Variants in PCCB observed in about 807,000 individuals in gnomAD.
PCCB encodes the protein propionyl-CoA carboxylase subunit beta, also known as propionyl-CoA carboxylase beta chain, mitochondrial.
PCCB carries 43 observed loss-of-function variants against 60.7 expected under a neutral mutation model. The observed-to-expected ratio is 0.71, with a 90% CI of 0.55 to 0.91. The LOEUF (loss-of-function observed/expected upper bound fraction) is 0.91, where lower values mean the gene tolerates loss of function less well. PCCB is among the 40% of genes least tolerant of loss of function. PCCB has a pLI of 0.00. For missense variants in PCCB, 766 were observed against 702.8 expected (o/e 1.09, Z -1.02); for synonymous variants, 276 against 255.9 (o/e 1.08, Z -0.75).
chr3:136,286,635 CA>C (rs1210932168), intron 6 of PCCB, among the ~76,000 whole-genome samples: 4 of 152,150 alleles, frequency 2.6e-5, no homozygotes, highest in Non-Finnish European at 5.9e-5. Flanking sequence ...ACAATATAAT[CA>C]AATTGCTTCT....
Position 136,283,933 on chromosome 3 carries a change from A to G in PCCB, c.640A>G (p.Thr214Ala), listed in dbSNP as rs553736377. The change falls in exon 6 of 15, where the codon ACG becomes GCG. Residue 214 changes from threonine (T) to alanine (A), a missense_variant. Coordinates refer to ENST00000251654, the MANE Select transcript of PCCB (RefSeq NM_000532.5). ...CTACTCCCCAGCCCTAACAGACTTC[A>G]CGTTCATGGTAAAGGTAAGAAAGAA... is the stretch of plus-strand genomic sequence containing the variant. ...AVYSPALTDF[T>A]FMVKDTSYLF... The G allele has an allele frequency of 6.2e-7, 1 of 1,608,854 alleles. No homozygotes were observed. Among genetic ancestry groups the G allele is most frequent in the Non-Finnish European group, 8.5e-7 (1 of 1,175,372 alleles).
rs371610471 is a variant in PCCB at position 136,327,158 on chromosome 3, C to T, written c.1202C>T (p.Thr401Ile). Residue 401 changes from threonine to isoleucine, a missense_variant, in exon 12 of 15, where the codon ACA (threonine) becomes ATA (isoleucine). Coordinates refer to ENST00000251654, the MANE Select transcript of PCCB (RefSeq NM_000532.5). ...AGTAACTCTTCCTCATGTCTAGGCA[C>T]AGCACAGGAATACGGGGGCATCATC... ...FVDVPGFLPG[T>I]AQEYGGIIRH... 3.1e-6 allele frequency: 5 copies of T among 1,613,858 alleles called. No individual in the cohort carries two copies. In the African/African-American group the frequency reaches 6.7e-5, roughly 22 times the overall value.
At chr3:136,268,107 T>C (rs183872648) in intron 5 of PCCB, among the ~76,000 whole-genome samples, 1,709 of 121,460 alleles carry the variant, frequency 0.014, 43 homozygotes, top group African/African-American at 0.043. Context: ...TATATATATA[T>C]ATATATATAT....
chr3:136,253,340 C>T (rs990264050), intron 1 of PCCB, among the ~76,000 whole-genome samples: 4 of 151,712 alleles, frequency 2.6e-5, no homozygotes, highest in African/African-American at 4.8e-5. Flanking sequence ...CCGTCTGCCT[C>T]GGCCTCCCAA....
intron 6 of PCCB, among the ~76,000 whole-genome samples, chr3:136,288,943 T>C (rs1193757540): frequency 6.6e-6 from 1 of 152,110 alleles, no homozygotes; most frequent in African/African-American, 2.4e-5. Flanking sequence ...GCTGGGACTA[T>C]AGGTGTGTGC....
intron 9 of PCCB, among the ~76,000 whole-genome samples, chr3:136,314,663 CAAA>C (rs1001015691): frequency 6.6e-6 from 1 of 151,282 alleles, no homozygotes; most frequent in Non-Finnish European, 1.5e-5. Context: ...TCAAGAAAAA[CAAA>C]AACAAAAACA....
chr3:136,298,171 C>A, intron 8 of PCCB, 99 bp downstream of exon 8: 1 of 1,487,052 alleles, frequency 6.7e-7, no homozygotes, highest in Non-Finnish European at 9.3e-7. Context: ...GGGCAAGTTG[C>A]AGCAGAGTGT....
chr3:136,253,298 C>T (rs1941573325), intron 1 of PCCB, among the ~76,000 whole-genome samples: 1 of 151,144 alleles, frequency 6.6e-6, no homozygotes. Context: ...ACCATGTTAG[C>T]CAGGATGGTC....
intron 4 of PCCB, 100 bp downstream of exon 4, chr3:136,260,635 G>C (rs1941795812): frequency 3.0e-6 from 3 of 1,009,954 alleles, no homozygotes; most frequent in Admixed American, 3.9e-5. Context: ...GGTACTTGGG[G>C]TAGGGCAGAG....
intron 1 of PCCB, among the ~76,000 whole-genome samples, chr3:136,253,137 T>C (rs1490617730): frequency 7.4e-6 from 1 of 135,034 alleles, no homozygotes; most frequent in Non-Finnish European, 1.5e-5. Flanking sequence ...TCACCCAGGC[T>C]GGAGTGCAGT....
Position 136,312,163 on chromosome 3 carries a change from A to T in PCCB, c.967-4778A>T, listed in dbSNP as rs532552741. On this transcript the variant is annotated intron_variant, in intron 9 of 14. Transcript: ENST00000251654. ...ATTTTAGTACAGTCACGCGTTGCGT[A>T]ACAACAGGGATGTGTTCTGAGAAAT... 1.2e-3 allele frequency among the ~76,000 whole-genome samples: 190 copies of T among 152,378 alleles called. 1 individual carries two copies. The highest frequency in any genetic ancestry group is 0.01 in the Middle Eastern group (3 of 294).
At chr3:136,258,527 T>G (rs1559996654) in intron 3 of PCCB, among the ~76,000 whole-genome samples, 1 of 152,134 alleles carries the variant, frequency 6.6e-6, no homozygotes, top group South Asian at 2.1e-4. Context: ...GATGTTAATA[T>G]CTTAGGTGCT....
At position 136,286,073 on chromosome 3, in the gene PCCB, A is replaced by G. The variant is rs114270011; in HGVS notation, c.654+2126A>G. ...CCAGGTGCCAGGATATAAAACTACA[A>G]TAACTAAAACTGTCTGAAGAACTTG... On this transcript the variant is annotated intron_variant, in intron 6 of 14. Coordinates refer to ENST00000251654, the MANE Select transcript of PCCB (RefSeq NM_000532.5). Among the ~76,000 whole-genome samples the G allele has an allele frequency of 7.9e-3, 1,198 of 152,368 alleles. 22 individuals are homozygous for G. The highest frequency in any genetic ancestry group is 0.026 in the African/African-American group (1,089 of 41,586).
At chr3:136,271,485 T>C (rs1056633603) in intron 5 of PCCB, among the ~76,000 whole-genome samples, 1 of 152,206 alleles carries the variant, frequency 6.6e-6, no homozygotes, top group Non-Finnish European at 1.5e-5. Context: ...CTTACCTCCA[T>C]GAGCATGAGA....
At chr3:136,303,394 A>G (rs538977572) in intron 9 of PCCB, among the ~76,000 whole-genome samples, 1 of 122,194 alleles carries the variant, frequency 8.2e-6, no homozygotes, top group Non-Finnish European at 1.8e-5. Context: ...GGAGATGATC[A>G]TGTGATTTTC....
At chr3:136,328,615 A>G (rs1338217018) in intron 13 of PCCB, 143 bp from the exon 14 acceptor site, 26 of 700,270 alleles carry the variant, frequency 3.7e-5, no homozygotes, top group South Asian at 3.0e-4. Context: ...TCCTCCCTCT[A>G]TGCTATGGCC....
intron 1 of PCCB, 65 bp downstream of exon 1, chr3:136,250,623 G>T: frequency 6.7e-7 from 1 of 1,496,176 alleles, no homozygotes; most frequent in Non-Finnish European, 9.0e-7. Flanking sequence ...TGCGTGCCCG[G>T]CTTGCGGCGT....
At chr3:136,257,242 AGAG>A (rs1176062993) in intron 3 of PCCB, among the ~76,000 whole-genome samples, 1 of 152,192 alleles carries the variant, frequency 6.6e-6, no homozygotes, top group African/African-American at 2.4e-5. Context: ...GGGAGGTAGA[AGAG>A]GAGCTTATAA....
At chr3:136,296,336 A>G (rs1933938883) in intron 7 of PCCB, among the ~76,000 whole-genome samples, 2 of 152,282 alleles carry the variant, frequency 1.3e-5, no homozygotes, top group South Asian at 2.1e-4. Context: ...CATTCTGGAC[A>G]TTTCCTAGAA....
Sources: allele counts gnomAD v4.1 joint callset (sites outside exome capture counted in the v4.1 genomes callset), GRCh38; gene constraint gnomAD v4.1.1; transcripts MANE v1.5; gene names NCBI Gene and HGNC (gene_info 2026-07-23, HGNC 2026-07-21).